Variants in ZBED3 observed in about 807,000 individuals in gnomAD.
The protein encoded by ZBED3 is zinc finger BED domain-containing protein 3.
For synonymous variants in ZBED3, 175 were observed against 180.0 expected (o/e 0.97, Z 0.22); for missense variants, 388 against 362.9 (o/e 1.07, Z -0.56).
chr5:77,079,465 T>A (rs1023180782), intron 1 of ZBED3: 1 of 152,254 alleles, frequency 6.6e-6, no homozygotes, highest in African/African-American at 2.4e-5. Flanking sequence ...CAGTTGCTAA[T>A]AGTCTTGTTG....
chr5:77,075,967 GTATATGTATATATGTATATATA>G lies in ZBED3; in HGVS notation c.*1185_*1206del, dbSNP rs1241383913. The G allele has an allele frequency of 9.8e-5, 3 of 30,642 alleles. No individual in the cohort carries two copies. The highest frequency in any genetic ancestry group is 1.5e-3 in the East Asian group (2 of 1,364). 1.9% of individuals were successfully genotyped at this position (30,642 alleles called of 1,614,324 possible). On this transcript the variant is annotated 3_prime_UTR_variant, in exon 3 of 3. Transcript: ENST00000255198. ...TACATATATATATATATATATATAT[GTATATGTATATATGTATATATA>G]TATGTATATATGTATATATATATGT... is the stretch of plus-strand genomic sequence containing the variant.
chr5:77,077,899 G>C lies in ZBED3; in HGVS notation c.-17-4C>G, dbSNP rs1743058933. On this transcript the variant is annotated splice_polypyrimidine_tract_variant and splice_region_variant and intron_variant, in intron 2 of 2. Transcript: ENST00000255198. ...CTCATTCTGCGGCGCCCGCACGCTG[G>C]GGAGCAGGGGAAGAATAATAATGAG... The C allele has an allele frequency of 8.0e-7, 1 of 1,249,566 alleles. No homozygotes were observed. The highest frequency in any genetic ancestry group is 1.6e-5 in the African/African-American group (1 of 64,502). 77.4% of individuals were successfully genotyped at this position (1,249,566 alleles called of 1,614,324 possible). A position where few individuals can be genotyped will look rare whatever the true frequency, so the allele number is the denominator to read the frequency against.
At position 77,076,001 on chromosome 5, in the gene ZBED3, G is replaced by GTA. The variant is rs367997546; in HGVS notation, c.*1171_*1172dup. On this transcript the variant is annotated 3_prime_UTR_variant, in exon 3 of 3. Coordinates refer to ENST00000255198, the MANE Select transcript of ZBED3 (RefSeq NM_032367.4). ...TATATGTATATATATATGTATATAT[G>GTA]TATATATATATGTATATATGTATAT... The GTA allele has an allele frequency of 8.4e-4, 27 of 32,128 alleles. 10 individuals carry two copies. The highest frequency in any genetic ancestry group is 6.3e-3 in the South Asian group (8 of 1,268). 2.0% of individuals were successfully genotyped at this position (32,128 alleles called of 1,614,324 possible).
intron 1 of ZBED3, among the ~76,000 whole-genome samples, chr5:77,083,317 G>T (rs996064992): frequency 1.3e-5 from 2 of 152,138 alleles, no homozygotes; most frequent in Non-Finnish European, 2.9e-5. Context: ...ATTGTCACGT[G>T]GTTTGCTGTG....
Position 77,072,496 on chromosome 5 carries a change from T to G in ZBED3, c.*4678A>C, listed in dbSNP as rs1473504080. The stretch of plus-strand genomic sequence containing the variant: ...GAATGTGCTAGGGACTCATGGCCAC[T>G]CTAAAAGAGGAGTTCCAGAAATGTT... On this transcript the variant is annotated 3_prime_UTR_variant, in exon 3 of 3. Coordinates refer to ENST00000255198, the MANE Select transcript of ZBED3 (RefSeq NM_032367.4). The G allele has an allele frequency of 1.3e-5, 2 of 152,202 alleles. No homozygotes were observed. The highest frequency in any genetic ancestry group is 2.9e-5 in the Non-Finnish European group (2 of 68,036). 9.4% of individuals were successfully genotyped at this position (152,202 alleles called of 1,614,324 possible). A position where few individuals can be genotyped will look rare whatever the true frequency, so the allele number is the denominator to read the frequency against.
chr5:77,079,471 T>C (rs906839558), intron 1 of ZBED3: 4 of 152,274 alleles, frequency 2.6e-5, no homozygotes, highest in Non-Finnish European at 5.9e-5. Context: ...CTAATAGTCT[T>C]GTTGCAGATG....
chr5:77,080,855 G>A (rs1743114506), intron 1 of ZBED3, among the ~76,000 whole-genome samples: 1 of 152,204 alleles, frequency 6.6e-6, no homozygotes, highest in South Asian at 2.1e-4. Flanking sequence ...AACGGGTGCA[G>A]CACACCAACA....
At chr5:77,080,046 T>A (rs1362877763) in intron 1 of ZBED3, among the ~76,000 whole-genome samples, 8 of 152,242 alleles carry the variant, frequency 5.3e-5, no homozygotes, top group African/African-American at 1.7e-4. Flanking sequence ...ACTATTATAA[T>A]GAATCTTTAC....
Position 77,076,021 on chromosome 5 carries a change from GTATATATATA to G in ZBED3, c.*1143_*1152del, listed in dbSNP as rs1178316380. 6.6e-4 allele frequency: 26 copies of G among 39,454 alleles called. 2 individuals carry two copies. Among genetic ancestry groups the G allele is most frequent in the African/African-American group, 2.3e-3 (25 of 11,042 alleles). 2.4% of individuals were successfully genotyped at this position (39,454 alleles called of 1,614,324 possible). A position where few individuals can be genotyped will look rare whatever the true frequency, so the allele number is the denominator to read the frequency against. ...TATATGTATATATATATGTATATATGTATATATATATGTATATATGTATATATATATATAA... is the reference window on the plus strand; with the variant it reads ...TATATGTATATATATATGTATATATGTGTATATATGTATATATATATATAA... On this transcript the variant is annotated 3_prime_UTR_variant, in exon 3 of 3. Transcript: ENST00000255198.
At position 77,072,961 on chromosome 5, in the gene ZBED3, C is replaced by G. The variant is rs1742912141; in HGVS notation, c.*4213G>C. The G allele has an allele frequency of 6.6e-6, 1 of 152,172 alleles. No individual in the cohort carries two copies. Among genetic ancestry groups the G allele is most frequent in the Non-Finnish European group, 1.5e-5 (1 of 68,040 alleles). 9.4% of individuals were successfully genotyped at this position (152,172 alleles called of 1,614,324 possible). ...TAATCTATCAAATGATGGAGTTGGACTGAACAAGGGCTGCATTTCTTTCTG... is the reference window on the plus strand; with the variant it reads ...TAATCTATCAAATGATGGAGTTGGAGTGAACAAGGGCTGCATTTCTTTCTG... On this transcript the variant is annotated 3_prime_UTR_variant, in exon 3 of 3. Coordinates refer to ENST00000255198, the MANE Select transcript of ZBED3 (RefSeq NM_032367.4).
intron 1 of ZBED3, among the ~76,000 whole-genome samples, chr5:77,081,332 TTC>T (rs1743125095): frequency 8.7e-6 from 1 of 114,632 alleles, no homozygotes; most frequent in Non-Finnish European, 1.8e-5. Context: ...TTTCTTTTCT[TTC>T]TTTCTTTTTT....
intron 1 of ZBED3, among the ~76,000 whole-genome samples, chr5:77,082,490 T>C (rs1300038033): frequency 1.3e-5 from 2 of 152,148 alleles, no homozygotes; most frequent in African/African-American, 2.4e-5. Context: ...GGGAATATTA[T>C]ACAGCCATTA....
intron 1 of ZBED3, among the ~76,000 whole-genome samples, chr5:77,085,983 G>A (rs1743230180): frequency 6.6e-6 from 1 of 152,204 alleles, no homozygotes; most frequent in Admixed American, 6.5e-5. Context: ...TTCCTAAATG[G>A]CATAAGCCAA....
Position 77,077,551 on chromosome 5 carries a change from G to C in ZBED3, c.328C>G (p.Pro110Ala). Residue 110 changes from proline to alanine, a missense_variant, in exon 3 of 3, where the codon CCA (proline) becomes GCA (alanine). Coordinates refer to ENST00000255198, the MANE Select transcript of ZBED3 (RefSeq NM_032367.4). ...ELESSGAGSS[P>A]PAAPCPPPPG... ...GGCGGCGGGCAGGGCGCGGCAGGTG[G>C]GGAGCTCCCGGCGCCGCTGCTCTCC... 8.0e-7 allele frequency: 1 copy of C among 1,247,568 alleles called. No individual in the cohort carries two copies. Among genetic ancestry groups the C allele is most frequent in the Non-Finnish European group, 1.0e-6 (1 of 998,616 alleles). 77.3% of individuals were successfully genotyped at this position (1,247,568 alleles called of 1,614,324 possible). A position where few individuals can be genotyped will look rare whatever the true frequency, so the allele number is the denominator to read the frequency against.
rs1475241790 is a variant in ZBED3, at chr5:77,073,219, A to T, written c.*3955T>A. 1 of 152,216 alleles carries T rather than the reference A, an allele frequency of 6.6e-6. No homozygotes were observed. Among genetic ancestry groups the T allele is most frequent in the African/African-American group, 2.4e-5 (1 of 41,438 alleles). The allele number at this position is 152,216 out of a possible 1,614,324, so 9.4% of individuals were successfully genotyped here. ...GTTAATTGTTCTCTGTCTCCTGAAC[A>T]GGACATTCAGGCTCGCACTAGCCAT... On this transcript the variant is annotated 3_prime_UTR_variant, in exon 3 of 3. Coordinates refer to ENST00000255198, the MANE Select transcript of ZBED3 (RefSeq NM_032367.4).
chr5:77,077,504 G>GGGGGCCGCAGC lies in ZBED3; in HGVS notation c.364_374dup (p.Glu126LeufsTer78). 3 of 1,193,186 alleles carry GGGGGCCGCAGC rather than the reference G, an allele frequency of 2.5e-6. No individual in the cohort carries two copies. The highest frequency in any genetic ancestry group is 3.1e-6 in the Non-Finnish European group (3 of 966,062). 73.9% of individuals were successfully genotyped at this position (1,193,186 alleles called of 1,614,324 possible). ...CCAGCAGGCGCGCCCAGTCGCCCTC[G>GGGGGCCGCAGC]GGGGCCGCAGCGGGGCCGGGCGGCG... On this transcript the variant is annotated frameshift_variant, in exon 3 of 3. Transcript: ENST00000255198. LOFTEE classifies it low-confidence loss of function (END_TRUNC).
chr5:77,080,297 C>G (rs1269367257), intron 1 of ZBED3: 1 of 360,834 alleles, frequency 2.8e-6, no homozygotes, highest in Non-Finnish European at 5.4e-6. Context: ...AACTGGAATG[C>G]CCAGAGGGAG....
In ZBED3 at chr5:77,077,430, A is replaced by G. The variant is rs1365544592; in HGVS notation, c.449T>C (p.Leu150Pro). The change falls in exon 3 of 3, where the codon CTG becomes CCG. Residue 150 changes from leucine to proline, a missense_variant. Physicochemically the swap from Leu to Pro is moderately conservative, Grantham distance 98. Coordinates refer to ENST00000255198, the MANE Select transcript of ZBED3 (RefSeq NM_032367.4). ...AVRGSRRERE[L>P]ERRELAVEQG... ...CTCCACGGCCAGCTCGCGCCGCTCC[A>G]GCTCCCGCTCCCGCCGGCTGCCGCG... is the stretch of plus-strand genomic sequence containing the variant. 2 of 1,224,462 alleles carry G rather than the reference A, an allele frequency of 1.6e-6. No homozygotes were observed. Among genetic ancestry groups the G allele is most frequent in the South Asian group, 2.9e-5 (1 of 34,738 alleles). 75.8% of individuals were successfully genotyped at this position (1,224,462 alleles called of 1,614,324 possible).
In ZBED3 at chr5:77,077,617, C is replaced by T; in HGVS notation, c.262G>A (p.Ala88Thr). ...RGPGFHAGTSALWRHLRSAHR... is the reference protein window; with the variant it reads ...RGPGFHAGTSTLWRHLRSAHR... ...GCGCTCCTCAGGTGCCTCCACAACG[C>T]CGAGGTCCCCGCGTGGAAGCCCGGG... The change falls in exon 3 of 3, where the codon GCG (alanine) becomes ACG (threonine). Residue 88 changes from alanine to threonine, a missense_variant. Transcript: ENST00000255198. The T allele has an allele frequency of 7.1e-7, 1 of 1,410,028 alleles. No individual in the cohort carries two copies. The highest frequency in any genetic ancestry group is 9.2e-7 in the Non-Finnish European group (1 of 1,081,394). 87.3% of individuals were successfully genotyped at this position (1,410,028 alleles called of 1,614,324 possible).
Sources: allele counts gnomAD v4.1 joint callset (sites outside exome capture counted in the v4.1 genomes callset), GRCh38; gene constraint gnomAD v4.1.1; transcripts MANE v1.5; gene names NCBI Gene and HGNC (gene_info 2026-07-23, HGNC 2026-07-21).